The following TFAP2A variants were observed in gnomAD, a reference collection of about 807,000 sequenced individuals.
The protein encoded by TFAP2A is transcription factor AP-2-alpha.
A neutral mutation model predicts 41.5 loss-of-function variants in TFAP2A; 7 were observed. That is an observed-to-expected ratio of 0.17 (90% confidence interval 0.10 to 0.32). The LOEUF is 0.32. TFAP2A is among the 10% of genes least tolerant of loss of function. TFAP2A has a pLI of 1.00. For missense variants in TFAP2A, 416 were observed against 563.3 expected, an observed-to-expected ratio of 0.74 and a Z score of 2.65; for synonymous variants, 247 against 242.8, an observed-to-expected ratio of 1.02 and a Z score of -0.16.
chr6:10,399,776 T>G (rs1761934875), intron 6 of TFAP2A, among the ~76,000 whole-genome samples: 1 of 152,236 alleles, frequency 6.6e-6, no homozygotes, highest in African/African-American at 2.4e-5. Context: ...ACAGTCATTT[T>G]CTTTTCACAC....
In TFAP2A at chr6:10,398,446, T is replaced by C. The variant is rs756614321; in HGVS notation, c.1291A>G (p.Ser431Gly). 21 of 1,614,122 alleles carry C rather than the reference T, an allele frequency of 1.3e-5. No individual in the cohort carries two copies. Among genetic ancestry groups the C allele is most frequent in the Non-Finnish European group, 8.5e-7 (1 of 1,180,052 alleles). Reference protein sequence around the residue: ...NSHTDNNAKSSDKEEKHRK With the variant: ...NSHTDNNAKSGDKEEKHRK ...TTTCTGTGCTTCTCCTCTTTGTCAC[T>C]GCTTTTGGCGTTGTTGTCCGTGTGG... Residue 431 changes from serine (S) to glycine (G), a missense_variant, in exon 7 of 7, where the codon AGT becomes GGT. Around this residue, in one of 3 missense-constraint regions of TFAP2A, gnomAD observed 116 missense variants for 153.8 expected, o/e 0.75. Coordinates refer to ENST00000379613, the MANE Select transcript of TFAP2A (RefSeq NM_001372066.1). This position sits in a 1 kb window ranked among gnomAD's most constrained non-coding sequence, Gnocchi z 5.3.
chr6:10,412,253 C>A (rs1170877227), intron 1 of TFAP2A: 4 of 985,310 alleles, frequency 4.1e-6, no homozygotes, highest in Non-Finnish European at 4.8e-6. Flanking sequence ...CGGCGTCTGG[C>A]GAATCACAGG....
chr6:10,402,157 G>A (rs1260550211), intron 5 of TFAP2A: 10 of 385,306 alleles, frequency 2.6e-5, no homozygotes, highest in Non-Finnish European at 4.5e-5. Context: ...CTCAAACGCA[G>A]ATGTCAGAAT....
chr6:10,416,437 A>G (rs1561719115), upstream of TFAP2A: 3 of 151,658 alleles, frequency 2.0e-5, no homozygotes, highest in Non-Finnish European at 4.4e-5. Flanking sequence ...AAGAAAAAAA[A>G]AAAAGAAAAG....
intron 3 of TFAP2A, chr6:10,405,150 A>G (rs888820242): frequency 5.5e-6 from 1 of 182,118 alleles, no homozygotes; most frequent in Non-Finnish European, 1.1e-5. Context: ...ACCGAGAGCA[A>G]GTTACTTGTA....
chr6:10,402,300 G>A (rs1762038698), intron 5 of TFAP2A, 192 bp downstream of exon 5: 1 of 672,174 alleles, frequency 1.5e-6, no homozygotes, highest in African/African-American at 1.8e-5. Context: ...AAAGAAGGAA[G>A]AAGGATGGAG....
intron 1 of TFAP2A, 74 bp from the exon 2 acceptor site, chr6:10,410,409 C>T (rs1757910558): frequency 6.9e-7 from 1 of 1,450,570 alleles, no homozygotes. Flanking sequence ...ACAAAATCCA[C>T]TTGACAAGTC....
intron 1 of TFAP2A, chr6:10,411,561 G>A (rs367606618): frequency 8.7e-6 from 14 of 1,614,048 alleles, no homozygotes; most frequent in Non-Finnish European, 9.3e-6. Flanking sequence ...GGGTGGGGAT[G>A]GGACTCACCA....
intron 1 of TFAP2A, among the ~76,000 whole-genome samples, chr6:10,410,552 A>G (rs1240351590): frequency 6.6e-6 from 1 of 152,138 alleles, no homozygotes. Context: ...GGCACAAGAG[A>G]CTATTTAGGG....
At chr6:10,404,214 G>A (rs1249562101) in intron 4 of TFAP2A, among the ~76,000 whole-genome samples, 2 of 152,322 alleles carry the variant, frequency 1.3e-5, no homozygotes, top group East Asian at 3.9e-4. Context: ...CTGCGCTTGC[G>A]CGAGGAGGAG....
chr6:10,419,492 G>T, upstream of TFAP2A: 4 of 1,613,948 alleles, frequency 2.5e-6, no homozygotes, highest in Non-Finnish European at 3.4e-6. Flanking sequence ...GCCGGGCATG[G>T]GCTGGAGGGC....
At position 10,398,222 on chromosome 6, in the gene TFAP2A, G is replaced by A. The variant is rs1761857626; in HGVS notation, c.*195C>T. ...TCGAGGCGGGTGCAGAGTCGGAGAG[G>A]CTGCCCCACTGACAGTCGAGAGGGC... is the stretch of plus-strand genomic sequence containing the variant. On this transcript the variant is annotated 3_prime_UTR_variant, in exon 7 of 7. Coordinates refer to ENST00000379613, the MANE Select transcript of TFAP2A (RefSeq NM_001372066.1). This position sits in a 1 kb window ranked among gnomAD's most constrained non-coding sequence, Gnocchi z 5.3. 6.8e-7 allele frequency: 1 copy of A among 1,479,564 alleles called. No individual in the cohort carries two copies. The highest frequency in any genetic ancestry group is 8.9e-7 in the Non-Finnish European group (1 of 1,119,056). 91.7% of individuals were successfully genotyped at this position (1,479,564 alleles called of 1,614,324 possible).
At chr6:10,402,971 A>G (rs545334126) in intron 4 of TFAP2A, among the ~76,000 whole-genome samples, 2 of 152,324 alleles carry the variant, frequency 1.3e-5, no homozygotes, top group East Asian at 3.9e-4. Flanking sequence ...AATCACACCA[A>G]TCCCAATGGG....
rs1420389157 is a variant in TFAP2A at position 10,412,353 on chromosome 6, G to A, written c.52-2018C>T. The A allele has an allele frequency of 5.4e-6, 5 of 923,400 alleles. No individual in the cohort carries two copies. The African/African-American group carries it at 7.3e-5, about 13-fold the overall frequency. The allele number at this position is 923,400 out of a possible 1,614,324, so 57.2% of individuals were successfully genotyped here. On this transcript the variant is annotated intron_variant, in intron 1 of 6. Coordinates refer to ENST00000379613, the MANE Select transcript of TFAP2A (RefSeq NM_001372066.1). ...AGACCGAAGGAGAGAGCGCAGAGAG[G>A]GAGAATGTGTCTGCGTGCGTGTGTG... is the stretch of plus-strand genomic sequence containing the variant.
In TFAP2A at chr6:10,398,074, T is replaced by C; in HGVS notation, c.*343A>G. 8.5e-7 allele frequency: 1 copy of C among 1,169,680 alleles called. No homozygotes were observed. The highest frequency in any genetic ancestry group is 2.6e-5 in the South Asian group (1 of 38,588). The allele number at this position is 1,169,680 out of a possible 1,614,324, so 72.5% of individuals were successfully genotyped here. ...GTTGTTGTTGCTGTTGTTGATTTGTTGTTTTGTTTAAAAAAAAAAGGGTTC... is the reference window on the plus strand; with the variant it reads ...GTTGTTGTTGCTGTTGTTGATTTGTCGTTTTGTTTAAAAAAAAAAGGGTTC... On this transcript the variant is annotated 3_prime_UTR_variant, in exon 7 of 7. Coordinates refer to ENST00000379613, the MANE Select transcript of TFAP2A (RefSeq NM_001372066.1). This position sits in a 1 kb window ranked among gnomAD's most constrained non-coding sequence, Gnocchi z 5.3.
At chr6:10,419,647 C>G (rs1480499072), upstream of TFAP2A, 5 of 666,922 alleles carry the variant, frequency 7.5e-6, no homozygotes, top group African/African-American at 9.0e-5. Flanking sequence ...CAGCTGCAGT[C>G]CCAGCGCCGC....
Position 10,404,601 on chromosome 6 carries a change from G to A in TFAP2A, c.677C>T (p.Thr226Ile), listed in dbSNP as rs1341138385. 2.5e-6 allele frequency: 4 copies of A among 1,614,088 alleles called. No individual in the cohort carries two copies. Among genetic ancestry groups the A allele is most frequent in the African/African-American group, 2.7e-5 (2 of 74,946 alleles). The change falls in exon 4 of 7, where the codon ACC becomes ATC. Residue 226 changes from threonine (T) to isoleucine (I), a missense_variant. Thr to Ile is a moderately conservative substitution (Grantham distance 89, BLOSUM62 -1). Coordinates refer to ENST00000379613, the MANE Select transcript of TFAP2A (RefSeq NM_001372066.1). ...VPGRLSLLSS[T>I]SKYKVTVAEV... ...CGCCACCGTGACCTTGTACTTCGAGGTGGAGCTGAGGAGCGAGAGGCGACC... is the reference window on the plus strand; with the variant it reads ...CGCCACCGTGACCTTGTACTTCGAGATGGAGCTGAGGAGCGAGAGGCGACC...
At chr6:10,406,867 G>A (rs1381667298) in intron 2 of TFAP2A, 23 bp from the exon 3 acceptor site, 2 of 1,576,906 alleles carry the variant, frequency 1.3e-6, no homozygotes, top group African/African-American at 1.3e-5. Context: ...GATACACATG[G>A]ATGTAAGTGT....
At position 10,410,155 on chromosome 6, in the gene TFAP2A, C is replaced by T. The variant is rs1193218173; in HGVS notation, c.232G>A (p.Val78Ile). 1.9e-6 allele frequency: 3 copies of T among 1,557,038 alleles called. No individual in the cohort carries two copies. The African/African-American group carries it at 4.4e-5, about 23-fold the overall frequency. ...YPQSQDPYSH[V>I]NDPYSLNPLH... ...GGGTTCAGGCTGTAGGGGTCGTTGA[C>T]GTGGGAGTAAGGATCTTGCGACTGG... The change falls in exon 2 of 7, where the codon GTC becomes ATC. Residue 78 changes from valine to isoleucine, a missense_variant. Val to Ile is a conservative substitution (Grantham distance 29). Coordinates refer to ENST00000379613, the MANE Select transcript of TFAP2A (RefSeq NM_001372066.1).
Sources: gnomAD v4.1 joint callset for allele counts (sites outside exome capture counted in the v4.1 genomes callset) on GRCh38, gnomAD v4.1.1 for gene constraint, gnomAD v4.1.1 regional missense constraint, Gnocchi (gnomAD v3.1) non-coding constraint, MANE v1.5 for transcripts, NCBI Gene and HGNC (gene_info 2026-07-23, HGNC 2026-07-21) for gene names.